The following RNF213 variants were observed in gnomAD, a reference collection of about 807,000 sequenced individuals.
RNF213 encodes the protein ring finger protein 213.
Under a neutral mutation model 514.4 loss-of-function variants are expected in RNF213, and 341 were observed. That is an observed-to-expected ratio of 0.66 (90% CI 0.61 to 0.73). RNF213 has a LOEUF of 0.73. RNF213 is among the 30% of genes least tolerant of loss of function. RNF213 has a pLI of 0.00. For missense variants in RNF213, 5,767 were observed against 6,615.6 expected, an observed-to-expected ratio of 0.87 and a Z score of 4.45; for synonymous variants, 2,655 against 2,658.2, an observed-to-expected ratio of 1.00 and a Z score of 0.04.
chr17:80,363,797 C>T lies in RNF213; in HGVS notation c.11750+7C>T, dbSNP rs1404586082. Reference sequence around the variant, plus strand: ...CTGTCATCAGGGAAGTCAGGTGAGACCCAGGAGCCCTCACCCACTGCTTCA... The same window carrying T: ...CTGTCATCAGGGAAGTCAGGTGAGATCCAGGAGCCCTCACCCACTGCTTCA... On this transcript the variant is annotated splice_region_variant and intron_variant, in intron 41 of 67. Transcript: ENST00000582970. 1.9e-6 allele frequency: 3 copies of T among 1,612,102 alleles called. No individual in the cohort carries two copies. Among genetic ancestry groups the T allele is most frequent in the African/African-American group, 1.3e-5 (1 of 75,024 alleles).
chr17:80,319,588 C>A, intron 17 of RNF213: 1 of 1,572,388 alleles, frequency 6.4e-7, no homozygotes, highest in Non-Finnish European at 8.6e-7. Context: ...GTCACACGGG[C>A]TTGCAGGCCG....
intron 25 of RNF213, 72 bp from the exon 26 acceptor site, chr17:80,339,129 G>A: frequency 7.7e-7 from 1 of 1,297,800 alleles, no homozygotes; most frequent in Non-Finnish European, 1.0e-6. Flanking sequence ...GTAGGCCTGT[G>A]TGCTGTTGCA....
At chr17:80,360,545 A>T (rs751286157) in intron 38 of RNF213, among the ~76,000 whole-genome samples, 9 of 152,092 alleles carry the variant, frequency 5.9e-5, no homozygotes, top group Non-Finnish European at 1.2e-4. Context: ...GGTCATTCCC[A>T]TTCTGGGCCT....
intron 54 of RNF213, 199 bp from the exon 55 acceptor site, chr17:80,379,421 C>T: frequency 3.2e-6 from 2 of 618,508 alleles, no homozygotes; most frequent in South Asian, 1.7e-5. Flanking sequence ...AAAACAGTTC[C>T]AGTTTGCCCA....
intron 41 of RNF213, 151 bp downstream of exon 41, chr17:80,363,941 C>A: frequency 1.2e-6 from 1 of 804,824 alleles, no homozygotes; most frequent in Non-Finnish European, 2.1e-6. Flanking sequence ...TTTGCCGAAC[C>A]CTTAGTGAGT....
At chr17:80,378,454 T>G (rs754416026) in intron 54 of RNF213, among the ~76,000 whole-genome samples, 4 of 152,192 alleles carry the variant, frequency 2.6e-5, no homozygotes, top group Non-Finnish European at 5.9e-5. Flanking sequence ...AGTTAGTTAT[T>G]AGTATTACTT....
At chr17:80,298,048 T>G (rs949742483) in intron 10 of RNF213, among the ~76,000 whole-genome samples, 1 of 152,204 alleles carries the variant, frequency 6.6e-6, no homozygotes, top group Non-Finnish European at 1.5e-5. Flanking sequence ...GACCCTGCGT[T>G]GACTACTTAG....
At chr17:80,297,409 C>A (rs1208771042) in intron 10 of RNF213, among the ~76,000 whole-genome samples, 9 of 148,392 alleles carry the variant, frequency 6.1e-5, no homozygotes, top group Non-Finnish European at 4.4e-5. Context: ...GAGATTGTGC[C>A]ACTGCACTCC....
rs1043237514 is a variant in RNF213 at position 80,369,688 on chromosome 17, C to T, written c.12325+17C>T. The T allele has an allele frequency of 1.2e-6, 2 of 1,614,048 alleles. No individual in the cohort carries two copies. Among genetic ancestry groups the T allele is most frequent in the South Asian group, 1.1e-5 (1 of 91,094 alleles). ...CTGCCCAGAGTAGGTTGCTTTCTTC[C>T]TGTAAACCTAGCCCCTCATTTCTTC... On this transcript the variant is annotated intron_variant, in intron 45 of 67. Transcript: ENST00000582970.
intron 7 of RNF213, among the ~76,000 whole-genome samples, chr17:80,291,135 G>A (rs559681294): frequency 1.7e-4 from 26 of 152,214 alleles, no homozygotes; most frequent in African/African-American, 6.0e-4. Flanking sequence ...TATCCAGTGA[G>A]TTGATGACAT....
chr17:80,350,439 A>C, intron 31 of RNF213, 43 bp downstream of exon 31: 2 of 1,258,342 alleles, frequency 1.6e-6, no homozygotes, highest in Non-Finnish European at 2.3e-6. Context: ...TAAAAAACCC[A>C]AAACGTAGGA....
intron 16 of RNF213, among the ~76,000 whole-genome samples, chr17:80,318,104 C>T (rs576305525): frequency 9.9e-5 from 15 of 152,146 alleles, no homozygotes; most frequent in Non-Finnish European, 1.9e-4. Flanking sequence ...AGCCATCCCT[C>T]TGAAGTCAAG....
chr17:80,331,410 ATG>A (rs2046413279), intron 20 of RNF213, among the ~76,000 whole-genome samples: 1 of 113,746 alleles, frequency 8.8e-6, no homozygotes, highest in South Asian at 2.6e-4. Flanking sequence ...TTTTTTTGAT[ATG>A]GAGTCTCACT....
rs188740576 is a variant in RNF213, at chr17:80,282,649, C to T, written c.262-5166C>T. The stretch of plus-strand genomic sequence containing the variant: ...TCCTGACCTTGTGATCCACCCGCCT[C>T]GGTCTCCCAAAGTGCTGGGATTACA... On this transcript the variant is annotated intron_variant, in intron 3 of 67. Coordinates refer to ENST00000582970, the MANE Select transcript of RNF213 (RefSeq NM_001256071.3). Among the ~76,000 whole-genome samples, 688 of 152,222 alleles carry T rather than the reference C, an allele frequency of 4.5e-3. 8 individuals carry two copies. Among genetic ancestry groups the T allele is most frequent in the African/African-American group, 0.016 (662 of 41,518 alleles).
In RNF213 at chr17:80,347,274, C is replaced by A. The variant is rs758782436; in HGVS notation, c.8939C>A (p.Ala2980Glu). The A allele has an allele frequency of 9.3e-6, 15 of 1,613,794 alleles. No individual in the cohort carries two copies. The highest frequency in any genetic ancestry group is 1.3e-5 in the Non-Finnish European group (15 of 1,179,938). Residue 2980 changes from alanine to glutamate, a missense_variant, in exon 29 of 68, where the codon GCA becomes GAA. Physicochemically the swap from Ala to Glu is moderately radical, Grantham distance 107. Around this residue, in one of 13 missense-constraint regions of RNF213, gnomAD observed 919 missense variants for 1,121.0 expected, o/e 0.82. Transcript: ENST00000582970. The surrounding 1 kb of genome is among the most constrained non-coding windows in gnomAD (Gnocchi z 7.2). Reference sequence around the variant, plus strand: ...AGAAAGCCTTCCCCGCAAGACATTGCACAGGCTGTCCTTAGGAACTTCAGT... The same window carrying A: ...AGAAAGCCTTCCCCGCAAGACATTGAACAGGCTGTCCTTAGGAACTTCAGT... Reference protein sequence around the residue: ...SNRKPSPQDIAQAVLRNFSGK... With the variant: ...SNRKPSPQDIEQAVLRNFSGK...
intron 49 of RNF213, 30 bp from the exon 50 acceptor site, chr17:80,374,428 G>T (rs1337000952): frequency 1.2e-6 from 2 of 1,613,848 alleles, no homozygotes; most frequent in South Asian, 1.1e-5. Context: ...TCCTCCCATT[G>T]TTCACCCCCA....
chr17:80,269,522 C>CTAT (rs1165779188), intron 2 of RNF213, among the ~76,000 whole-genome samples: 4 of 151,098 alleles, frequency 2.6e-5, no homozygotes, highest in East Asian at 2.0e-4. Context: ...ATCCATCCAT[C>CTAT]CTCTTTCTAT....
intron 64 of RNF213, chr17:80,388,906 ATGT>A (rs1433948416): frequency 9.6e-6 from 6 of 628,000 alleles, no homozygotes; most frequent in Non-Finnish European, 1.7e-5. Flanking sequence ...CTTAGGAATG[ATGT>A]TGATGCATGG....
intron 3 of RNF213, among the ~76,000 whole-genome samples, chr17:80,278,523 C>T (rs1341294747): frequency 6.6e-6 from 1 of 152,218 alleles, no homozygotes; most frequent in Non-Finnish European, 1.5e-5. Context: ...GGCAGTTCTC[C>T]TCTTACGTGG....
Sources: allele counts gnomAD v4.1 joint callset (sites outside exome capture counted in the v4.1 genomes callset), GRCh38; gene constraint gnomAD v4.1.1; regional missense constraint gnomAD v4.1.1; non-coding constraint Gnocchi (gnomAD v3.1); transcripts MANE v1.5; gene names NCBI Gene and HGNC (gene_info 2026-07-23, HGNC 2026-07-21).